Variants in VPS53 observed in about 807,000 individuals in gnomAD.
VPS53 encodes the protein vacuolar protein sorting-associated protein 53 homolog.
In VPS53, 70 loss-of-function variants were observed where a neutral mutation model predicts 107.0. That is an observed-to-expected ratio of 0.65 (90% CI 0.54 to 0.80). VPS53 has a LOEUF of 0.80. Among genes scored for constraint, VPS53 ranks in the 30% least tolerant of loss-of-function variants. The pLI is 0.00. For synonymous variants in VPS53, 409 were observed against 393.3 expected (o/e 1.04, Z -0.47); for missense variants, 917 against 1,049.4 (o/e 0.87, Z 1.74).
chr17:567,174 A>G (rs994177912), intron 13 of VPS53, among the ~76,000 whole-genome samples: 2 of 152,230 alleles, frequency 1.3e-5, no homozygotes, highest in Non-Finnish European at 2.9e-5. Flanking sequence ...AGCCACCCCA[A>G]TGAGTAAGAT....
At chr17:572,271 C>T (rs1444872781) in intron 13 of VPS53, among the ~76,000 whole-genome samples, 1 of 150,970 alleles carries the variant, frequency 6.6e-6, no homozygotes, top group Non-Finnish European at 1.5e-5. Flanking sequence ...TCTGCCCAGC[C>T]GCCCCATCTG....
intron 4 of VPS53, among the ~76,000 whole-genome samples, chr17:678,630 C>T (rs954598642): frequency 1.5e-4 from 22 of 148,842 alleles, no homozygotes; most frequent in Non-Finnish European, 3.3e-4. Flanking sequence ...CCACTCCTGG[C>T]TAAATATATA....
intron 17 of VPS53, chr17:539,338 C>T (rs1329143575): frequency 6.6e-6 from 1 of 152,222 alleles, no homozygotes; most frequent in Non-Finnish European, 1.5e-5. Flanking sequence ...TTGATGATCA[C>T]TGGCCAAGTC....
In VPS53 at chr17:562,676, A is replaced by C; in HGVS notation, c.1383T>G (p.Thr461=). 1 of 1,613,732 alleles carries C rather than the reference A, an allele frequency of 6.2e-7. No homozygotes were observed. The highest frequency in any genetic ancestry group is 8.5e-7 in the Non-Finnish European group (1 of 1,179,926). ...TGGGGAGCACGGCACCCCCTTCATCAGTGTTGGGCTTAGGTGGCCCCTGGG... is the reference window on the plus strand; with the variant it reads ...TGGGGAGCACGGCACCCCCTTCATCCGTGTTGGGCTTAGGTGGCCCCTGGG... ...FKAQGPPKPN[T]DEGGAVLPSC... is the part of the protein sequence containing the mutation. Residue 461 remains threonine, a synonymous_variant, in exon 14 of 22, where the codon ACT becomes ACG. Coordinates refer to ENST00000437048, the MANE Select transcript of VPS53 (RefSeq NM_001128159.3).
chr17:706,916 T>G (rs1398707764), intron 2 of VPS53, among the ~76,000 whole-genome samples: 1 of 152,132 alleles, frequency 6.6e-6, no homozygotes. Flanking sequence ...TCTCCCCACC[T>G]CCATCCCTTG....
chr17:681,704 A>T (rs1329932769), intron 4 of VPS53, among the ~76,000 whole-genome samples: 6 of 152,202 alleles, frequency 3.9e-5, no homozygotes, highest in Non-Finnish European at 8.8e-5. Context: ...GTAATTTCTA[A>T]ACAACAGAAA....
chr17:656,848 G>T (rs1367111773), intron 5 of VPS53: 1 of 1,590,656 alleles, frequency 6.3e-7, no homozygotes, highest in Non-Finnish European at 8.6e-7. Flanking sequence ...CAGCAATGGT[G>T]AGGCGGATAC....
chr17:604,435 G>A (rs1968470718), intron 11 of VPS53, among the ~76,000 whole-genome samples: 1 of 152,172 alleles, frequency 6.6e-6, no homozygotes, highest in Non-Finnish European at 1.5e-5. Context: ...TCAAGAAAAC[G>A]GAGAGGGGAG....
At chr17:527,156 TCTGGCATCCCTGAAGC>T (rs1909181323) in intron 19 of VPS53, among the ~76,000 whole-genome samples, 1 of 152,246 alleles carries the variant, frequency 6.6e-6, no homozygotes, top group African/African-American at 2.4e-5. Context: ...AGAGCACACT[TCTGGCATCCCTGAAGC>T]CTTCCTCATG....
chr17:646,038 C>T (rs1970684466), intron 7 of VPS53, among the ~76,000 whole-genome samples: 3 of 131,160 alleles, frequency 2.3e-5, no homozygotes, highest in Non-Finnish European at 1.7e-5. Flanking sequence ...ACACACATCT[C>T]GGTGACCGCG....
intron 19 of VPS53, among the ~76,000 whole-genome samples, chr17:530,140 ATTC>A (rs1200244901): frequency 4.8e-5 from 7 of 145,338 alleles, no homozygotes; most frequent in East Asian, 4.5e-4. Context: ...CTAAATTTAT[ATTC>A]TTTTTTTTTT....
chr17:581,502 C>A (rs1277564965), intron 13 of VPS53, among the ~76,000 whole-genome samples: 1 of 151,706 alleles, frequency 6.6e-6, no homozygotes, highest in African/African-American at 2.4e-5. Flanking sequence ...AAGAAGCTCC[C>A]ACACAACCTA....
At chr17:552,776 T>C in intron 16 of VPS53, 1 of 244,136 alleles carries the variant, frequency 4.1e-6, no homozygotes. Flanking sequence ...AGCCCAGTTC[T>C]GAAGCTTCTT....
In VPS53 at chr17:519,582, T is replaced by TG. The variant is rs1338400276; in HGVS notation, c.2328+243dup. Among the ~76,000 whole-genome samples, 1 of 152,194 alleles carries TG rather than the reference T, an allele frequency of 6.6e-6. No individual in the cohort carries two copies. Among genetic ancestry groups the TG allele is most frequent in the Non-Finnish European group, 1.5e-5 (1 of 68,028 alleles). On this transcript the variant is annotated intron_variant, in intron 21 of 21. Coordinates refer to ENST00000437048, the MANE Select transcript of VPS53 (RefSeq NM_001128159.3). The surrounding 1 kb of genome is among the most constrained non-coding windows in gnomAD (Gnocchi z 5.0). ...GACAACATGCCTGTCCTCATCCCCC[T>TG]GCCCCTGCCCCATCCTCCCTGTGCA...
chr17:630,397 T>C (rs1167279587), intron 8 of VPS53, among the ~76,000 whole-genome samples: 2 of 152,144 alleles, frequency 1.3e-5, no homozygotes, highest in Non-Finnish European at 2.9e-5. Flanking sequence ...CATGAGCGAA[T>C]ATCCCCACAA....
In VPS53 at chr17:628,236, T is replaced by C. The variant is rs1173145294; in HGVS notation, c.688-5A>G. On this transcript the variant is annotated splice_polypyrimidine_tract_variant and splice_region_variant and intron_variant, in intron 8 of 21. Coordinates refer to ENST00000437048, the MANE Select transcript of VPS53 (RefSeq NM_001128159.3). ...ATTGCTGGGTCCTCCTGGTCTCTAGTAAAACAAACATGTACCAGGTGAAAA... is the reference window on the plus strand; with the variant it reads ...ATTGCTGGGTCCTCCTGGTCTCTAGCAAAACAAACATGTACCAGGTGAAAA... 1.2e-6 allele frequency: 2 copies of C among 1,613,180 alleles called. No individual in the cohort carries two copies. The highest frequency in any genetic ancestry group is 1.7e-6 in the Non-Finnish European group (2 of 1,179,756).
intron 4 of VPS53, among the ~76,000 whole-genome samples, chr17:683,575 T>A (rs969340607): frequency 6.6e-6 from 1 of 152,196 alleles, no homozygotes; most frequent in Non-Finnish European, 1.5e-5. Context: ...TCTAAGGAGA[T>A]AAAAATGAGA....
chr17:532,248 A>G (rs1909644865), intron 19 of VPS53: 1 of 151,556 alleles, frequency 6.6e-6, no homozygotes, highest in African/African-American at 2.4e-5. Context: ...ATGCCCGGCC[A>G]ATATTCCAAG....
At chr17:573,782 C>T (rs570926274) in intron 13 of VPS53, among the ~76,000 whole-genome samples, 4 of 152,288 alleles carry the variant, frequency 2.6e-5, no homozygotes, top group South Asian at 2.1e-4. Flanking sequence ...ATCAGGCCCA[C>T]GCTCTTTCCA....
Sources: gnomAD v4.1 joint callset for allele counts (sites outside exome capture counted in the v4.1 genomes callset) on GRCh38, gnomAD v4.1.1 for gene constraint, Gnocchi (gnomAD v3.1) non-coding constraint, MANE v1.5 for transcripts, NCBI Gene and HGNC (gene_info 2026-07-23, HGNC 2026-07-21) for gene names.